The following SLC5A11 variants were observed in gnomAD, a reference collection of about 807,000 sequenced individuals.
SLC5A11 encodes sodium/myo-inositol cotransporter 2.
In SLC5A11, 48 loss-of-function variants were observed where a neutral mutation model predicts 69.8. That is an observed-to-expected ratio of 0.69 (90% confidence interval 0.55 to 0.87). SLC5A11 has a LOEUF of 0.87. SLC5A11 is among the 40% of genes least tolerant of loss of function. The probability of loss-of-function intolerance (pLI) is 0.00; values close to 1 mark genes in which losing one functional copy is unlikely to be tolerated. For synonymous variants in SLC5A11, 319 were observed against 342.4 expected (o/e 0.93, Z 0.75); for missense variants, 784 against 866.1 (o/e 0.91, Z 1.19).
At position 24,905,269 on chromosome 16, in the gene SLC5A11, C is replaced by CAAA. The variant is rs34703027; in HGVS notation, c.1007-1363_1007-1361dup. On this transcript the variant is annotated intron_variant, in intron 10 of 15. Transcript: ENST00000347898. ...TGGAACCCCGTCTCTACTAAAAATACAAAAAAAAAAAAAAAAAAAAAAAAA... is the reference window on the plus strand; with the variant it reads ...TGGAACCCCGTCTCTACTAAAAATACAAAAAAAAAAAAAAAAAAAAAAAAAAAA... Among the ~76,000 whole-genome samples, 563 of 80,370 alleles carry CAAA rather than the reference C, an allele frequency of 7.0e-3. 24 individuals carry two copies. Among genetic ancestry groups the CAAA allele is most frequent in the African/African-American group, 0.027 (516 of 19,452 alleles). The allele number at this position is 80,370 out of a possible 152,430, so 52.7% of individuals were successfully genotyped here.
chr16:24,898,034 A>G (rs745435326), exon 10 of SLC5A11: 1 of 1,614,156 alleles, frequency 6.2e-7, no homozygotes, highest in Non-Finnish European at 8.5e-7. Flanking sequence ...AGGTGCTCTG[A>G]TGGCTGCATA....
intron 3 of SLC5A11, among the ~76,000 whole-genome samples, chr16:24,867,574 C>T (rs1285664277): frequency 6.6e-6 from 1 of 151,894 alleles, no homozygotes; most frequent in Non-Finnish European, 1.5e-5. Context: ...TCAAAAAAAT[C>T]AAAAGTTTGT....
intron 1 of SLC5A11, among the ~76,000 whole-genome samples, chr16:24,858,147 G>T (rs1477575455): frequency 6.6e-6 from 1 of 152,168 alleles, no homozygotes; most frequent in African/African-American, 2.4e-5. Context: ...GATGCAATAT[G>T]AGTGTTTATT....
At chr16:24,870,056 T>A (rs1296672098) in intron 4 of SLC5A11, 51 bp downstream of exon 5, 1 of 1,317,516 alleles carries the variant, frequency 7.6e-7, no homozygotes, top group Non-Finnish European at 1.1e-6. Context: ...ACCTAACAGG[T>A]AGATCTCAGG....
At chr16:24,911,126 G>A (rs1255414765) in intron 15 of SLC5A11, among the ~76,000 whole-genome samples, 18 of 139,266 alleles carry the variant, frequency 1.3e-4, no homozygotes, top group Admixed American at 1.1e-3. Flanking sequence ...CCGAGATCAC[G>A]CCACTGCACT....
intron 3 of SLC5A11, among the ~76,000 whole-genome samples, chr16:24,865,657 T>G (rs2046874264): frequency 6.6e-6 from 1 of 152,064 alleles, no homozygotes; most frequent in Non-Finnish European, 1.5e-5. Context: ...TCAAAACTAA[T>G]GTTGAGCAAA....
chr16:24,877,102 A>C, intron 6 of SLC5A11, 156 bp from the exon 8 acceptor site: 1 of 1,491,982 alleles, frequency 6.7e-7, no homozygotes, highest in Admixed American at 2.0e-5. Flanking sequence ...AAGACCCCTG[A>C]TCTGGGATGC....
chr16:24,850,854 A>T (rs999658595), intron 1 of SLC5A11, among the ~76,000 whole-genome samples: 3 of 151,142 alleles, frequency 2.0e-5, no homozygotes, highest in Admixed American at 6.6e-5. Context: ...TCTGTCACCC[A>T]GGCTAGAGTG....
intron 1 of SLC5A11, among the ~76,000 whole-genome samples, chr16:24,850,962 C>T (rs961462067): frequency 1.3e-5 from 2 of 151,656 alleles, no homozygotes; most frequent in African/African-American, 4.8e-5. Context: ...AGGAGCCCAC[C>T]ACCACGCCCT....
intron 5 of SLC5A11, among the ~76,000 whole-genome samples, chr16:24,874,253 C>T (rs2047522470): frequency 6.6e-6 from 1 of 152,126 alleles, no homozygotes; most frequent in African/African-American, 2.4e-5. Flanking sequence ...TTAAGTTGCT[C>T]CCAGTATTGG....
intron 10 of SLC5A11, among the ~76,000 whole-genome samples, chr16:24,901,003 A>G (rs1290571778): frequency 6.6e-6 from 1 of 152,120 alleles, no homozygotes; most frequent in African/African-American, 2.4e-5. Flanking sequence ...GTCCCTATGA[A>G]AAGAGCTTCA....
chr16:24,906,519 C>T, intron 10 of SLC5A11, 138 bp from the exon 12 acceptor site: 2 of 452,716 alleles, frequency 4.4e-6, no homozygotes, highest in Non-Finnish European at 7.7e-6. Context: ...AAGGTCACAG[C>T]TTATAAAGTC....
intron 7 of SLC5A11, among the ~76,000 whole-genome samples, chr16:24,880,317 C>T (rs926338365): frequency 5.3e-5 from 8 of 152,006 alleles, no homozygotes; most frequent in African/African-American, 1.2e-4. Flanking sequence ...AAGAGTGAAG[C>T]GGGAGGTGCT....
At chr16:24,888,207 A>AC (rs1409949541) in intron 8 of SLC5A11, among the ~76,000 whole-genome samples, 52 of 152,266 alleles carry the variant, frequency 3.4e-4, no homozygotes, top group South Asian at 1.2e-3. Context: ...CCAAAAATTA[A>AC]ACTCATTAGG....
At chr16:24,856,475 C>T (rs187790673) in intron 1 of SLC5A11, among the ~76,000 whole-genome samples, 85 of 151,204 alleles carry the variant, frequency 5.6e-4, no homozygotes, top group African/African-American at 1.5e-3. Context: ...TAAAATAGGC[C>T]GGGCGCAGTG....
At chr16:24,877,644 A>AT (rs1259299118) in intron 7 of SLC5A11, among the ~76,000 whole-genome samples, 1 of 152,060 alleles carries the variant, frequency 6.6e-6, no homozygotes, top group Non-Finnish European at 1.5e-5. Context: ...GAGGCCAGGA[A>AT]TTCCAGACCA....
Position 24,868,472 on chromosome 16 carries a change from G to A in SLC5A11, c.208-1429G>A, listed in dbSNP as rs369902947. Among the ~76,000 whole-genome samples the A allele has an allele frequency of 4.4e-3, 664 of 150,704 alleles. 6 individuals carry two copies. The highest frequency in any genetic ancestry group is 0.013 in the African/African-American group (550 of 41,086). ...AAATTAGCCGGGCGTGGTGGCGGGC[G>A]CCTGTAGTCCCAGCTACTCGGGAGG... On this transcript the variant is annotated intron_variant, in intron 3 of 15. Transcript: ENST00000347898.
chr16:24,882,094 T>C (rs1173605648), intron 7 of SLC5A11, among the ~76,000 whole-genome samples: 2 of 152,134 alleles, frequency 1.3e-5, no homozygotes, highest in Non-Finnish European at 2.9e-5. Flanking sequence ...AATGTTGGTG[T>C]TCCTTGTTTG....
chr16:24,849,591 AAAATATATATAT>A (rs1321730377), intron 1 of SLC5A11, among the ~76,000 whole-genome samples: 5 of 57,498 alleles, frequency 8.7e-5, no homozygotes, highest in Non-Finnish European at 1.5e-4. Flanking sequence ...AAAAAAAAAA[AAAATATATATAT>A]ATATATATAT....
Sources: gnomAD v4.1 joint callset for allele counts (sites outside exome capture counted in the v4.1 genomes callset) on GRCh38, gnomAD v4.1.1 for gene constraint, MANE v1.5 for transcripts, NCBI Gene and HGNC (gene_info 2026-07-23, HGNC 2026-07-21) for gene names.